The following ANKS1B variants were observed in gnomAD, a reference collection of about 807,000 sequenced individuals.
The protein encoded by ANKS1B is ankyrin repeat and sterile alpha motif domain containing 1B.
Under a neutral mutation model 148.3 loss-of-function variants are expected in ANKS1B, and 36 were observed. The observed-to-expected ratio is 0.24, with a 90% CI of 0.19 to 0.32. The LOEUF (loss-of-function observed/expected upper bound fraction) is 0.32, where lower values mean the gene tolerates loss of function less well. Ranked by LOEUF, ANKS1B falls within the 10% of genes least tolerant of loss-of-function variation. ANKS1B has a pLI of 1.00. For synonymous variants in ANKS1B, 542 were observed against 560.8 expected (o/e 0.97, Z 0.47); for missense variants, 1,157 against 1,542.6 (o/e 0.75, Z 4.19).
intron 14 of ANKS1B, among the ~76,000 whole-genome samples, chr12:99,165,268 A>C (rs1393605018): frequency 6.6e-6 from 1 of 151,996 alleles, no homozygotes; most frequent in Non-Finnish European, 1.5e-5. Context: ...AGCAGAAGTA[A>C]GGAAATAAAG....
intron 17 of ANKS1B, among the ~76,000 whole-genome samples, chr12:98,905,618 A>T (rs992304977): frequency 6.6e-6 from 1 of 152,042 alleles, no homozygotes; most frequent in Admixed American, 6.6e-5. Context: ...AAAAATTTTT[A>T]AAAATTAGCC....
rs114697437 is a variant in ANKS1B at position 99,499,028 on chromosome 12, G to C, written c.1438+5448C>G. ...ACTATGGGTTAATGGAATCAACAGA[G>C]GAAAAAATGCAAACTATTTCCTTAC... On this transcript the variant is annotated intron_variant, in intron 10 of 26. Transcript: ENST00000683438. Among the ~76,000 whole-genome samples the C allele has an allele frequency of 5.4e-3, 821 of 152,186 alleles. 11 individuals are homozygous for C. Among genetic ancestry groups the C allele is most frequent in the African/African-American group, 0.017 (721 of 41,522 alleles).
intron 12 of ANKS1B, among the ~76,000 whole-genome samples, chr12:99,256,183 G>C (rs1205098074): frequency 1.3e-5 from 2 of 151,310 alleles, no homozygotes; most frequent in African/African-American, 4.9e-5. Context: ...CAGGGAGTTG[G>C]AGGTTGCAGT....
Position 98,829,386 on chromosome 12 carries a change from T to G in ANKS1B, c.2887-33A>C, listed in dbSNP as rs1405936033. ...GAAATACATCATGAAATAAATACCA[T>G]GTTCTGTGGCTAACCTTTGGTTTCA... On this transcript the variant is annotated intron_variant, in intron 18 of 26. Coordinates refer to ENST00000683438, the MANE Select transcript of ANKS1B (RefSeq NM_001352186.2). This position sits in a 1 kb window ranked among gnomAD's most constrained non-coding sequence, Gnocchi z 5.2. 6.3e-7 allele frequency: 1 copy of G among 1,598,184 alleles called. No homozygotes were observed. The highest frequency in any genetic ancestry group is 8.5e-7 in the Non-Finnish European group (1 of 1,170,406).
At chr12:99,548,569 T>G (rs1246839218) in intron 9 of ANKS1B, among the ~76,000 whole-genome samples, 3 of 152,090 alleles carry the variant, frequency 2.0e-5, no homozygotes, top group East Asian at 1.9e-4. Context: ...AGATATTAAC[T>G]TCTTTAAAAA....
chr12:99,391,615 G>A (rs2094072978), intron 12 of ANKS1B, among the ~76,000 whole-genome samples: 1 of 152,130 alleles, frequency 6.6e-6, no homozygotes, highest in Non-Finnish European at 1.5e-5. Flanking sequence ...TATTGCTTAG[G>A]TAAGCCAATA....
At chr12:99,273,411 CTGACA>C (rs2077271183) in intron 12 of ANKS1B, among the ~76,000 whole-genome samples, 1 of 152,096 alleles carries the variant, frequency 6.6e-6, no homozygotes, top group Non-Finnish European at 1.5e-5. Context: ...ACAAATCTTT[CTGACA>C]TAAGTCTTTG....
At chr12:99,091,651 A>G (rs1225074252) in intron 15 of ANKS1B, among the ~76,000 whole-genome samples, 2 of 152,228 alleles carry the variant, frequency 1.3e-5, no homozygotes, top group African/African-American at 4.8e-5. Flanking sequence ...ATCTGTATAA[A>G]TATAAAGCTG....
At chr12:99,357,545 T>C (rs1461561989) in intron 12 of ANKS1B, among the ~76,000 whole-genome samples, 2 of 152,158 alleles carry the variant, frequency 1.3e-5, no homozygotes, top group Admixed American at 6.5e-5. Flanking sequence ...AGAAAGCACC[T>C]AGAACGCTGC....
At chr12:99,354,019 C>T (rs1199072827) in intron 12 of ANKS1B, among the ~76,000 whole-genome samples, 1 of 152,006 alleles carries the variant, frequency 6.6e-6, no homozygotes, top group Non-Finnish European at 1.5e-5. Flanking sequence ...AGCTAAGCTT[C>T]TTATTGGCAC....
chr12:98,776,208 G>T lies in ANKS1B; in HGVS notation c.3442-3029C>A, dbSNP rs1050952300. Among the ~76,000 whole-genome samples, 8 of 152,362 alleles carry T rather than the reference G, an allele frequency of 5.3e-5. No individual in the cohort carries two copies. In the South Asian group the frequency reaches 1.7e-3, roughly 32 times the overall value. On this transcript the variant is annotated intron_variant, in intron 24 of 26. Transcript: ENST00000683438. ...ACAGTTGTAGACTGTATGGAGACTA[G>T]ATGGTAGACTTCCTCCTTGGAGAAG...
At chr12:99,739,961 C>A (rs2059941223) in intron 8 of ANKS1B, among the ~76,000 whole-genome samples, 1 of 152,052 alleles carries the variant, frequency 6.6e-6, no homozygotes, top group African/African-American at 2.4e-5. Context: ...TTTACTTTAC[C>A]TTCTGTCTCC....
At chr12:98,816,149 A>G (rs2099138124) in intron 19 of ANKS1B, among the ~76,000 whole-genome samples, 1 of 152,074 alleles carries the variant, frequency 6.6e-6, no homozygotes. Flanking sequence ...TCTGGCTACT[A>G]TAGGCCTAGC....
chr12:99,298,345 T>C (rs896119261), intron 12 of ANKS1B, among the ~76,000 whole-genome samples: 1 of 152,184 alleles, frequency 6.6e-6, no homozygotes, highest in Non-Finnish European at 1.5e-5. Context: ...ACTGTTCTCA[T>C]AGTAGTGAAC....
At chr12:99,280,844 CTCTCTCTCTCTCTCTCTCTCTGTCTG>C (rs955269586) in intron 12 of ANKS1B, among the ~76,000 whole-genome samples, 3 of 148,780 alleles carry the variant, frequency 2.0e-5, no homozygotes, top group African/African-American at 7.5e-5. Flanking sequence ...TAATAAATCT[CTCTCTCTCTCTCTCTCTCTCTGTCTG>C]TCTCTCTCTC....
chr12:99,903,546 T>C (rs1161491890), intron 1 of ANKS1B, among the ~76,000 whole-genome samples: 1 of 152,178 alleles, frequency 6.6e-6, no homozygotes, highest in Non-Finnish European at 1.5e-5. Context: ...TTTCTAGTAA[T>C]TCTAGGGTAG....
At chr12:98,983,751 C>T (rs1477146792) in intron 17 of ANKS1B, among the ~76,000 whole-genome samples, 1 of 152,178 alleles carries the variant, frequency 6.6e-6, no homozygotes, top group Non-Finnish European at 1.5e-5. Flanking sequence ...AAAAAGGAGT[C>T]AGCAATCCAA....
intron 17 of ANKS1B, among the ~76,000 whole-genome samples, chr12:98,909,197 T>A (rs1336665855): frequency 2.6e-5 from 4 of 152,188 alleles, no homozygotes; most frequent in Admixed American, 6.5e-5. Flanking sequence ...TGTATATATA[T>A]GTATATTCTG....
At chr12:99,003,418 G>A (rs1339299835) in intron 17 of ANKS1B, among the ~76,000 whole-genome samples, 6 of 151,982 alleles carry the variant, frequency 3.9e-5, no homozygotes, top group Admixed American at 2.0e-4. Flanking sequence ...GATTACTTTC[G>A]GTAGTGTGGA....
Sources: gnomAD v4.1 joint callset for allele counts (sites outside exome capture counted in the v4.1 genomes callset) on GRCh38, gnomAD v4.1.1 for gene constraint, Gnocchi (gnomAD v3.1) non-coding constraint, MANE v1.5 for transcripts, NCBI Gene and HGNC (gene_info 2026-07-23, HGNC 2026-07-21) for gene names.